The following SORBS2 variants were observed in gnomAD, a reference collection of about 807,000 sequenced individuals.
SORBS2 encodes sorbin and SH3 domain containing 2.
In SORBS2, 46 loss-of-function variants were observed where a neutral mutation model predicts 97.7. That is an observed-to-expected ratio of 0.47 (90% CI 0.37 to 0.60). The LOEUF (loss-of-function observed/expected upper bound fraction) is 0.60. Ranked by LOEUF, SORBS2 falls within the 20% of genes least tolerant of loss-of-function variation. SORBS2 has a pLI of 0.00. For missense variants in SORBS2, 1,316 were observed against 1,282.3 expected (o/e 1.03, Z -0.40); for synonymous variants, 476 against 473.4 (o/e 1.01, Z -0.07).
intron 4 of SORBS2, among the ~76,000 whole-genome samples, chr4:185,670,224 T>A (rs558059673): frequency 1.1e-4 from 16 of 148,746 alleles, no homozygotes; most frequent in East Asian, 3.9e-4. Context: ...GTCTCAAATT[T>A]AAAAAAAAAA....
chr4:185,846,603 A>T (rs2149673205), intron 1 of SORBS2, among the ~76,000 whole-genome samples: 1 of 152,358 alleles, frequency 6.6e-6, no homozygotes, highest in Non-Finnish European at 1.5e-5. Flanking sequence ...GTTAAGGCTA[A>T]CCAAAAGGGC....
At chr4:185,632,294 T>C (rs2096921119) in intron 4 of SORBS2, among the ~76,000 whole-genome samples, 1 of 152,238 alleles carries the variant, frequency 6.6e-6, no homozygotes, top group African/African-American at 2.4e-5. Flanking sequence ...TGCATGAGAA[T>C]ATTCCCATCC....
chr4:185,599,956 A>G (rs79029196), intron 12 of SORBS2, among the ~76,000 whole-genome samples: 5,247 of 152,266 alleles, frequency 0.034, 334 homozygotes, highest in African/African-American at 0.12. Flanking sequence ...ACCCTGTGGG[A>G]ACCGCTGAGC....
intron 1 of SORBS2, among the ~76,000 whole-genome samples, chr4:185,882,443 T>A (rs963270269): frequency 6.6e-6 from 1 of 152,176 alleles, no homozygotes; most frequent in Admixed American, 6.5e-5. Context: ...AAATAAGATC[T>A]GTATGAGTAG....
intron 1 of SORBS2, among the ~76,000 whole-genome samples, chr4:185,837,393 C>T (rs1169099786): frequency 1.3e-5 from 2 of 152,272 alleles, no homozygotes; most frequent in East Asian, 3.9e-4. Flanking sequence ...GTGTTTTTCA[C>T]ATTTTAGAAA....
chr4:185,597,090 GCTGA>G (rs2096121160), intron 12 of SORBS2, among the ~76,000 whole-genome samples: 1 of 152,200 alleles, frequency 6.6e-6, no homozygotes, highest in Admixed American at 6.5e-5. Context: ...TTTGAGGAAA[GCTGA>G]CTAATTACAG....
exon 5 of SORBS2, chr4:185,662,149 C>A: frequency 3.7e-6 from 6 of 1,614,124 alleles, no homozygotes; most frequent in Non-Finnish European, 5.1e-6. Context: ...TTGAGTGAGG[C>A]TGGGAGAGAA....
chr4:185,808,613 G>C (rs2099166547), intron 1 of SORBS2, among the ~76,000 whole-genome samples: 1 of 152,174 alleles, frequency 6.6e-6, no homozygotes, highest in Non-Finnish European at 1.5e-5. Context: ...AGGTACTCAA[G>C]TTGTAGGGTA....
intron 1 of SORBS2, among the ~76,000 whole-genome samples, chr4:185,821,189 T>C (rs1271712418): frequency 6.6e-6 from 1 of 152,028 alleles, no homozygotes; most frequent in Non-Finnish European, 1.5e-5. Flanking sequence ...ACACGCGAGC[T>C]AAGTGGCTGA....
intron 1 of SORBS2, among the ~76,000 whole-genome samples, chr4:185,833,143 T>C (rs2153674021): frequency 6.6e-6 from 1 of 152,300 alleles, no homozygotes; most frequent in East Asian, 1.9e-4. Flanking sequence ...AAGTTATCCA[T>C]GGAAAATGAA....
Position 185,684,801 on chromosome 4 carries a change from A to G in SORBS2, c.-197-5979T>C, listed in dbSNP as rs1168032601. The G allele has an allele frequency of 1.3e-6, 2 of 1,552,028 alleles. No homozygotes were observed. The highest frequency in any genetic ancestry group is 1.2e-5 in the South Asian group (1 of 84,062). On this transcript the variant is annotated intron_variant, in intron 2 of 20. Transcript: ENST00000284776. This position sits in a 1 kb window ranked among gnomAD's most constrained non-coding sequence, Gnocchi z 4.2. ...ACTTTGCACTCTCTTCACAGATGTT[A>G]GCGTAACAGACATGGCGGCACGTTT...
At chr4:185,752,328 T>C (rs936833728) in intron 2 of SORBS2, among the ~76,000 whole-genome samples, 4 of 152,106 alleles carry the variant, frequency 2.6e-5, no homozygotes, top group African/African-American at 7.2e-5. Context: ...CAGGCTGGAG[T>C]GCAGTGGCAC....
chr4:185,890,417 A>C (rs724072), intron 1 of SORBS2, among the ~76,000 whole-genome samples: 110,947 of 152,060 alleles, frequency 0.73, 40,514 homozygotes, highest in Middle Eastern at 0.83. Context: ...TGACAAGAAG[A>C]CTGTGTGGCA....
intron 4 of SORBS2, 143 bp from the exon 17 acceptor site, chr4:185,630,741 C>T: frequency 1.6e-6 from 1 of 610,062 alleles, no homozygotes; most frequent in Non-Finnish European, 2.9e-6. Context: ...ATAAAAATGT[C>T]TTCCCAAAGA....
intron 1 of SORBS2, among the ~76,000 whole-genome samples, chr4:185,856,882 A>G (rs1245045149): frequency 6.6e-6 from 1 of 152,162 alleles, no homozygotes; most frequent in African/African-American, 2.4e-5. Context: ...AGAGCGTGTA[A>G]GAGAAAGCGA....
intron 1 of SORBS2, among the ~76,000 whole-genome samples, chr4:185,927,353 G>A (rs1239403061): frequency 6.6e-6 from 1 of 151,750 alleles, no homozygotes; most frequent in Non-Finnish European, 1.5e-5. Flanking sequence ...ACATGCCATG[G>A]CGGTTTGCTG....
chr4:185,622,954 G>A (rs750204578), exon 7 of SORBS2: 26 of 1,613,640 alleles, frequency 1.6e-5, no homozygotes, highest in Non-Finnish European at 2.1e-5. Flanking sequence ...GGCAGCTGCT[G>A]TTGGCTGTGT....
At chr4:185,710,695 C>T (rs1566353) in intron 2 of SORBS2, among the ~76,000 whole-genome samples, 112,084 of 152,130 alleles carry the variant, frequency 0.74, 42,545 homozygotes, top group Non-Finnish European at 0.84. Context: ...AGGGAGCTCC[C>T]GTCTCATCAG....
chr4:185,828,024 T>C (rs1585262867), intron 1 of SORBS2, among the ~76,000 whole-genome samples: 1 of 99,734 alleles, frequency 1.0e-5, no homozygotes, highest in South Asian at 3.1e-4. Context: ...ACCATCATCA[T>C]CATCTCATCA....
Sources: allele counts gnomAD v4.1 joint callset (sites outside exome capture counted in the v4.1 genomes callset), GRCh38; gene constraint gnomAD v4.1.1; non-coding constraint Gnocchi (gnomAD v3.1); transcripts MANE v1.5; gene names NCBI Gene and HGNC (gene_info 2026-07-23, HGNC 2026-07-21).